The following ATP2B2 variants were observed in gnomAD, a reference collection of about 807,000 sequenced individuals.
ATP2B2 encodes plasma membrane calcium-transporting ATPase 2.
Under a neutral mutation model 120.0 loss-of-function variants are expected in ATP2B2, and 15 were observed. The observed-to-expected ratio is 0.12, with a 90% CI of 0.08 to 0.19. The LOEUF (loss-of-function observed/expected upper bound fraction) is 0.19, where lower values mean the gene tolerates loss of function less well. Ranked by LOEUF, ATP2B2 falls within the 10% of genes least tolerant of loss-of-function variation. ATP2B2 has a pLI of 1.00. For missense variants in ATP2B2, 1,045 were observed against 1,719.8 expected (o/e 0.61, Z 6.94); for synonymous variants, 694 against 700.3 (o/e 0.99, Z 0.14).
intron 3 of ATP2B2, among the ~76,000 whole-genome samples, chr3:10,532,568 C>G (rs1471648684): frequency 6.6e-6 from 1 of 152,230 alleles, no homozygotes; most frequent in Admixed American, 6.5e-5. Context: ...CTATGCCTGT[C>G]AAAAGCTGCT....
chr3:10,355,020 T>C (rs1411033773), intron 14 of ATP2B2, among the ~76,000 whole-genome samples: 1 of 152,040 alleles, frequency 6.6e-6, no homozygotes, highest in South Asian at 2.1e-4. Context: ...AATCTGGGGA[T>C]AGTGGTTACC....
chr3:10,442,113 G>A lies in ATP2B2; in HGVS notation c.199+7232C>T, dbSNP rs1575235917. Among the ~76,000 whole-genome samples, 3 of 152,176 alleles carry A rather than the reference G, an allele frequency of 2.0e-5. No individual in the cohort carries two copies. In the East Asian group the frequency reaches 5.8e-4, roughly 29 times the overall value. On this transcript the variant is annotated intron_variant, in intron 2 of 22. Coordinates refer to ENST00000360273, the MANE Select transcript of ATP2B2 (RefSeq NM_001001331.4). ...TCCCAGGGAACAATGTGTTGGGAAG[G>A]CCTGGCTCTTAGTTCGCTCACAGTA...
upstream of ATP2B2, among the ~76,000 whole-genome samples, chr3:10,507,902 T>C (rs2066679056): frequency 7.2e-6 from 1 of 138,602 alleles, no homozygotes; most frequent in South Asian, 2.3e-4. Context: ...CGGAGGCCTC[T>C]GGACTCCAAG....
chr3:10,530,910 G>T (rs929235606), intron 3 of ATP2B2, among the ~76,000 whole-genome samples: 6 of 152,212 alleles, frequency 3.9e-5, no homozygotes, highest in African/African-American at 1.4e-4. Flanking sequence ...GTTAGAAAGG[G>T]TTTCTGCTGG....
chr3:10,381,798 C>G (rs976696677), intron 8 of ATP2B2, among the ~76,000 whole-genome samples: 1 of 152,134 alleles, frequency 6.6e-6, no homozygotes, highest in Admixed American at 6.5e-5. Flanking sequence ...TGCACCTTTT[C>G]CAAATGGGTC....
At chr3:10,574,804 G>T (rs975088317) in intron 2 of ATP2B2, among the ~76,000 whole-genome samples, 4 of 152,138 alleles carry the variant, frequency 2.6e-5, no homozygotes, top group Non-Finnish European at 2.9e-5. Flanking sequence ...GGGGAAGGAG[G>T]AGTGGACTAC....
intron 2 of ATP2B2, among the ~76,000 whole-genome samples, chr3:10,604,467 T>C (rs56333010): frequency 6.6e-6 from 1 of 152,204 alleles, no homozygotes; most frequent in African/African-American, 2.4e-5. Context: ...GTGCTTCTTG[T>C]GGGCCAGGTC....
chr3:10,417,367 G>A (rs1017623795), intron 2 of ATP2B2, among the ~76,000 whole-genome samples: 5 of 152,246 alleles, frequency 3.3e-5, no homozygotes, highest in African/African-American at 1.2e-4. Context: ...GCCGGGCAGA[G>A]GCGCTCCTCA....
rs1227658039 is a variant in ATP2B2 at position 10,345,528 on chromosome 3, C to T, written c.2559G>A (p.Leu853=). ...CGATGCTGCTGAAATTGTCGTCTGT[C>T]AGGATGATGTCTGAGGCCTCCTTGG... ...DVAKEASDII[L]TDDNFSSIVK... Residue 853 remains leucine, a synonymous_variant, in exon 18 of 23, where the codon CTG becomes CTA. Transcript: ENST00000360273. 6.2e-7 allele frequency: 1 copy of T among 1,614,210 alleles called. No homozygotes were observed. Among genetic ancestry groups the T allele is most frequent in the South Asian group, 1.1e-5 (1 of 91,078 alleles).
Position 10,378,304 on chromosome 3 carries a change from C to T in ATP2B2, c.1149G>A (p.Lys383=), listed in dbSNP as rs768926259. 1 of 1,609,706 alleles carries T rather than the reference C, an allele frequency of 6.2e-7. No homozygotes were observed. The highest frequency in any genetic ancestry group is 8.5e-7 in the Non-Finnish European group (1 of 1,179,930). The change falls in exon 10 of 23, where the codon AAG becomes AAA. Residue 383 remains lysine, a synonymous_variant. Coordinates refer to ENST00000360273, the MANE Select transcript of ATP2B2 (RefSeq NM_001001331.4). The part of the protein sequence containing the change: ...RKKASMHKKE[K]SVLQGKLTKL... ...TGGTGAGCTTGCCCTGCAGCACGGA[C>T]TTCTCCTTCTTGTGCATGCTGGCCT...
intron 14 of ATP2B2, among the ~76,000 whole-genome samples, chr3:10,358,244 C>T (rs541795390): frequency 3.3e-5 from 5 of 152,348 alleles, no homozygotes; most frequent in Admixed American, 2.0e-4. Flanking sequence ...CACCACACTT[C>T]GGGTTCTCCT....
At chr3:10,532,475 A>T (rs1201062948) in intron 3 of ATP2B2, among the ~76,000 whole-genome samples, 1 of 152,116 alleles carries the variant, frequency 6.6e-6, no homozygotes, top group African/African-American at 2.4e-5. Context: ...TTGTCAACCC[A>T]TTTCAGGAGG....
chr3:10,575,892 A>C (rs2068233980), intron 2 of ATP2B2, among the ~76,000 whole-genome samples: 1 of 152,164 alleles, frequency 6.6e-6, no homozygotes, highest in South Asian at 2.1e-4. Flanking sequence ...AACTGTCCAA[A>C]ATCTGGGCCT....
At chr3:10,545,359 G>A (rs903319748) in intron 2 of ATP2B2, among the ~76,000 whole-genome samples, 2 of 151,966 alleles carry the variant, frequency 1.3e-5, no homozygotes, top group African/African-American at 2.4e-5. Flanking sequence ...GGGAAACTCC[G>A]TCTCTACAAA....
intron 2 of ATP2B2, among the ~76,000 whole-genome samples, chr3:10,585,938 A>G (rs1229133023): frequency 1.3e-5 from 2 of 152,170 alleles, no homozygotes; most frequent in Non-Finnish European, 2.9e-5. Context: ...CTGTTTAACC[A>G]TGGGCTATCT....
At chr3:10,653,634 C>T (rs563673373) in intron 1 of ATP2B2, among the ~76,000 whole-genome samples, 35 of 152,296 alleles carry the variant, frequency 2.3e-4, no homozygotes, top group African/African-American at 7.7e-4. Context: ...TAACAGCAGC[C>T]CCAGCTAACC....
chr3:10,449,738 T>G lies in ATP2B2; in HGVS notation c.-195A>C. The G allele has an allele frequency of 1.5e-6, 1 of 679,926 alleles. No individual in the cohort carries two copies. The highest frequency in any genetic ancestry group is 2.6e-6 in the Non-Finnish European group (1 of 380,006). 42.1% of individuals were successfully genotyped at this position (679,926 alleles called of 1,614,324 possible). A position where few individuals can be genotyped will look rare whatever the true frequency, so the allele number is the denominator to read the frequency against. On this transcript the variant is annotated 5_prime_UTR_variant, in exon 2 of 23. Transcript: ENST00000360273. ...CAGTGGTGGTGAGCTCCAAGAGGTG[T>G]CCTCCGGTGTGGGACGAGGTCCAGG...
Position 10,568,505 on chromosome 3 carries a change from G to T in ATP2B2, c.-414-34372C>A, listed in dbSNP as rs112446058. Among the ~76,000 whole-genome samples the T allele has an allele frequency of 7.0e-3, 1,068 of 152,308 alleles. 4 individuals carry two copies. The Middle Eastern group carries it at 0.075, about 11-fold the overall frequency. On this transcript the variant is annotated intron_variant, in intron 2 of 21. Transcript: ENST00000646379. ...AGATTCTCTAAGCTTGAAACAGACAGGTTCAGGAGGCTGAAACTCAGGGGG... is the reference window on the plus strand; with the variant it reads ...AGATTCTCTAAGCTTGAAACAGACATGTTCAGGAGGCTGAAACTCAGGGGG...
In ATP2B2 at chr3:10,388,306, C is replaced by A; in HGVS notation, c.878G>T (p.Gly293Val). 6.2e-7 allele frequency: 1 copy of A among 1,614,204 alleles called. No individual in the cohort carries two copies. Among genetic ancestry groups the A allele is most frequent in the Non-Finnish European group, 8.5e-7 (1 of 1,180,030 alleles). ...GIIFTLLGAG[G>V]EEEEKKDKKG... ...TTTGTCTTTCTTCTCTTCCTCTTCA[C>A]CACCAGCCCCCAGGAGGGTAAAGAT... Residue 293 changes from glycine (G) to valine (V), a missense_variant, in exon 6 of 23, where the codon GGT (glycine) becomes GTT (valine). By Grantham distance (109) the Gly-to-Val change is moderately radical. Coordinates refer to ENST00000360273, the MANE Select transcript of ATP2B2 (RefSeq NM_001001331.4).
Sources: allele counts gnomAD v4.1 joint callset (sites outside exome capture counted in the v4.1 genomes callset), GRCh38; gene constraint gnomAD v4.1.1; transcripts MANE v1.5; gene names NCBI Gene and HGNC (gene_info 2026-07-23, HGNC 2026-07-21).